The following DLGAP2 variants were observed in gnomAD, a reference collection of about 807,000 sequenced individuals.
The protein encoded by DLGAP2 is DLG associated protein 2.
A neutral mutation model predicts 100.3 loss-of-function variants in DLGAP2; 26 were observed. The observed-to-expected ratio is 0.26, with a 90% CI of 0.19 to 0.36. The LOEUF is 0.36. Ranked by LOEUF, DLGAP2 falls within the 10% of genes least tolerant of loss-of-function variation. DLGAP2 has a pLI of 1.00. For missense variants in DLGAP2, 1,858 were observed against 1,453.2 expected (o/e 1.28, Z -4.53); for synonymous variants, 886 against 630.1 (o/e 1.41, Z -6.08).
chr8:1,390,418 A>G (rs189521512), intron 3 of DLGAP2, among the ~76,000 whole-genome samples: 97 of 152,328 alleles, frequency 6.4e-4, no homozygotes, highest in Non-Finnish European at 1.1e-3. Context: ...TTGTATGCAT[A>G]AAATGAAACA....
At chr8:1,519,054 C>A (rs1410224449) in intron 4 of DLGAP2, among the ~76,000 whole-genome samples, 1 of 152,140 alleles carries the variant, frequency 6.6e-6, no homozygotes, top group Non-Finnish European at 1.5e-5. Flanking sequence ...CAGATAGGAG[C>A]CTGTGGTCCC....
At chr8:1,638,252 C>T (rs927153759) in intron 8 of DLGAP2, among the ~76,000 whole-genome samples, 2 of 152,094 alleles carry the variant, frequency 1.3e-5, no homozygotes, top group African/African-American at 4.8e-5. Context: ...ACAGACCCTT[C>T]GAAGAGGTGA....
At chr8:1,436,483 C>A (rs557620589) in intron 3 of DLGAP2, among the ~76,000 whole-genome samples, 2 of 152,202 alleles carry the variant, frequency 1.3e-5, no homozygotes, top group African/African-American at 2.4e-5. Context: ...TCCCAGCCCA[C>A]TGACTCCAGT....
chr8:1,289,978 C>G (rs1237701286), intron 3 of DLGAP2, among the ~76,000 whole-genome samples: 2 of 152,120 alleles, frequency 1.3e-5, no homozygotes, highest in Non-Finnish European at 2.9e-5. Context: ...AAGATATAGG[C>G]AGAAAGGAAG....
intron 6 of DLGAP2, among the ~76,000 whole-genome samples, chr8:1,575,745 T>G (rs1377868055): frequency 6.6e-6 from 1 of 151,452 alleles, no homozygotes; most frequent in East Asian, 2.0e-4. Context: ...TGTGATAGTT[T>G]GCTCAGAATG....
At chr8:1,306,646 A>G (rs1312067540) in intron 3 of DLGAP2, among the ~76,000 whole-genome samples, 2 of 141,572 alleles carry the variant, frequency 1.4e-5, no homozygotes, top group Admixed American at 7.2e-5. Context: ...AAAACTTACT[A>G]CAGAGCTATG....
chr8:1,292,643 C>G (rs942877057), intron 3 of DLGAP2, among the ~76,000 whole-genome samples: 2 of 152,152 alleles, frequency 1.3e-5, no homozygotes, highest in African/African-American at 4.8e-5. Context: ...TTCTGTTACC[C>G]AATGTAACGG....
In DLGAP2 at chr8:773,616, C is replaced by T. The variant is rs1298644939; in HGVS notation, c.18+35791C>T. On this transcript the variant is annotated intron_variant, in intron 1 of 14. Coordinates refer to ENST00000637795, the MANE Select transcript of DLGAP2 (RefSeq NM_001346810.2). ...TGCGGTGTTTGGTTTTTTGTTCTTG[C>T]GATAGTTTACTGAGAATGATGATTT... 5.3e-3 allele frequency among the ~76,000 whole-genome samples: 798 copies of T among 150,532 alleles called. 5 individuals are homozygous for T. Among genetic ancestry groups the T allele is most frequent in the African/African-American group, 0.017 (716 of 40,960 alleles).
intron 3 of DLGAP2, among the ~76,000 whole-genome samples, chr8:1,442,001 A>T (rs1434970156): frequency 2.0e-5 from 3 of 152,186 alleles, no homozygotes; most frequent in Non-Finnish European, 4.4e-5. Context: ...CAGCAAACTA[A>T]CACAGGAAGA....
intron 6 of DLGAP2, among the ~76,000 whole-genome samples, chr8:1,600,492 G>A (rs981122759): frequency 2.0e-5 from 3 of 152,060 alleles, no homozygotes; most frequent in Non-Finnish European, 2.9e-5. Context: ...CATTCTCCCC[G>A]TCACTTTCAG....
chr8:1,048,391 C>T (rs1420083528), intron 2 of DLGAP2, among the ~76,000 whole-genome samples: 1 of 152,038 alleles, frequency 6.6e-6, no homozygotes, highest in Non-Finnish European at 1.5e-5. Context: ...TAGGGCCTCT[C>T]CTGGTCTCAG....
intron 2 of DLGAP2, among the ~76,000 whole-genome samples, chr8:1,037,112 C>T (rs994983090): frequency 1.3e-5 from 2 of 152,066 alleles, no homozygotes; most frequent in Non-Finnish European, 2.9e-5. Flanking sequence ...GGCTCCTGCC[C>T]ATGGTCACGT....
At chr8:1,661,692 T>C (rs567873946) in intron 8 of DLGAP2, among the ~76,000 whole-genome samples, 7 of 152,210 alleles carry the variant, frequency 4.6e-5, no homozygotes, top group African/African-American at 1.7e-4. Flanking sequence ...AGTGATCTGG[T>C]GAATTGGAGC....
At chr8:1,595,740 C>A (rs1796437254) in intron 6 of DLGAP2, among the ~76,000 whole-genome samples, 1 of 144,876 alleles carries the variant, frequency 6.9e-6, no homozygotes, top group Admixed American at 6.6e-5. Context: ...CCCAGTTACT[C>A]CCTTCTTCCC....
intron 3 of DLGAP2, among the ~76,000 whole-genome samples, chr8:1,373,475 A>G (rs6992449): frequency 0.8 from 121,652 of 151,812 alleles, 48,951 homozygotes; most frequent in South Asian, 0.86. Context: ...CGAATCCGGG[A>G]TCAGGTTTGT....
At chr8:1,363,358 C>T (rs547965049) in intron 3 of DLGAP2, among the ~76,000 whole-genome samples, 53 of 152,114 alleles carry the variant, frequency 3.5e-4, no homozygotes, top group East Asian at 1.2e-3. Flanking sequence ...GCCTCTGCCT[C>T]GCCGGTCCCA....
chr8:897,340 A>G (rs1157962227), intron 1 of DLGAP2, among the ~76,000 whole-genome samples: 2 of 152,190 alleles, frequency 1.3e-5, no homozygotes, highest in Non-Finnish European at 2.9e-5. Flanking sequence ...GAAGGTGAAC[A>G]CCACGATTGT....
intron 3 of DLGAP2, among the ~76,000 whole-genome samples, chr8:1,365,656 A>C (rs930844005): frequency 2.0e-5 from 3 of 152,192 alleles, no homozygotes; most frequent in Non-Finnish European, 2.9e-5. Context: ...CAAGCATCCA[A>C]GTGTGCCGAG....
chr8:829,636 T>G (rs574523901), intron 1 of DLGAP2, among the ~76,000 whole-genome samples: 1 of 152,350 alleles, frequency 6.6e-6, no homozygotes, highest in South Asian at 2.1e-4. Context: ...TTTCAAACTA[T>G]GTAAGCCATA....
Sources: allele counts gnomAD v4.1 joint callset (sites outside exome capture counted in the v4.1 genomes callset), GRCh38; gene constraint gnomAD v4.1.1; transcripts MANE v1.5; gene names NCBI Gene and HGNC (gene_info 2026-07-23, HGNC 2026-07-21).